SPSB1: variants seen among roughly 807,000 people sequenced by gnomAD.
SPSB1 encodes the protein SPRY domain-containing SOCS box protein 1.
SPSB1 carries 8 observed loss-of-function variants against 21.2 expected under a neutral mutation model. That is an observed-to-expected ratio of 0.38 (90% CI 0.22 to 0.68). The LOEUF is 0.68. SPSB1 is among the 30% of genes least tolerant of loss of function. The pLI is 0.53. For synonymous variants in SPSB1, 169 were observed against 161.7 expected (o/e 1.05, Z -0.34); for missense variants, 242 against 377.8 (o/e 0.64, Z 2.98).
rs17377611 is a variant in SPSB1 at position 9,321,491 on chromosome 1, C to T, written c.-150+28420C>T. 0.15 allele frequency among the ~76,000 whole-genome samples: 22,333 copies of T among 152,164 alleles called. 2,074 individuals carry two copies. The highest frequency in any genetic ancestry group is 0.22 in the Middle Eastern group (64 of 294). On this transcript the variant is annotated intron_variant, in intron 1 of 2. Transcript: ENST00000328089. The surrounding 1 kb of genome is among the most constrained non-coding windows in gnomAD (Gnocchi z 4.8). The stretch of plus-strand genomic sequence containing the variant: ...AGAAGTGTCTCAGCAGTTCTGTTCT[C>T]CAGACCTTTACCGAACACTTACTGC...
At chr1:9,318,144 G>T (rs1399862516) in intron 1 of SPSB1, among the ~76,000 whole-genome samples, 1 of 152,244 alleles carries the variant, frequency 6.6e-6, no homozygotes, top group Non-Finnish European at 1.5e-5. Context: ...TGAGGGTGGG[G>T]CCCTGGGGTC....
At chr1:9,334,664 C>T (rs1183149855) in intron 1 of SPSB1, among the ~76,000 whole-genome samples, 1 of 152,152 alleles carries the variant, frequency 6.6e-6, no homozygotes, top group Non-Finnish European at 1.5e-5. Flanking sequence ...ACTGACCCCC[C>T]ATTCCTGCTC....
Position 9,305,212 on chromosome 1 carries a change from G to A in SPSB1, c.-150+12141G>A, listed in dbSNP as rs1281747308. 6.6e-6 allele frequency among the ~76,000 whole-genome samples: 1 copy of A among 152,086 alleles called. No individual in the cohort carries two copies. Among genetic ancestry groups the A allele is most frequent in the East Asian group, 1.9e-4 (1 of 5,188 alleles). ...TCTTCATGCTGCCTGGTCCCGCCTC[G>A]GCTGGCCCGTTCCTACCGGCTGGCC... On this transcript the variant is annotated intron_variant, in intron 1 of 2. Coordinates refer to ENST00000328089, the MANE Select transcript of SPSB1 (RefSeq NM_025106.4). This position sits in a 1 kb window ranked among gnomAD's most constrained non-coding sequence, Gnocchi z 4.8.
chr1:9,294,926 C>T (rs1424526399), intron 1 of SPSB1, among the ~76,000 whole-genome samples: 1 of 152,086 alleles, frequency 6.6e-6, no homozygotes, highest in Non-Finnish European at 1.5e-5. Context: ...CAGGGAAGTC[C>T]TGTCTTACTG....
intron 1 of SPSB1, among the ~76,000 whole-genome samples, chr1:9,337,235 C>A (rs776430995): frequency 1.3e-5 from 2 of 152,096 alleles, no homozygotes; most frequent in African/African-American, 2.4e-5. Flanking sequence ...GCCTCTAACC[C>A]CCGGGATTAG....
chr1:9,305,554 C>A lies in SPSB1; in HGVS notation c.-150+12483C>A, dbSNP rs1639396802. On this transcript the variant is annotated intron_variant, in intron 1 of 2. Transcript: ENST00000328089. The surrounding 1 kb of genome is among the most constrained non-coding windows in gnomAD (Gnocchi z 4.8). ...GTGGCGTAGTGGATCCTAGCAGGGT[C>A]TGGGAGAGCTCGATGTGGGCCCAGG... 1.3e-5 allele frequency among the ~76,000 whole-genome samples: 2 copies of A among 152,278 alleles called. No individual in the cohort carries two copies. The highest frequency in any genetic ancestry group is 4.1e-4 in the South Asian group (2 of 4,828).
At position 9,345,665 on chromosome 1, in the gene SPSB1, G is replaced by A. The variant is rs1212468420; in HGVS notation, c.-149-10078G>A. Among the ~76,000 whole-genome samples, 3 of 152,076 alleles carry A rather than the reference G, an allele frequency of 2.0e-5. No individual in the cohort carries two copies. Among genetic ancestry groups the A allele is most frequent in the African/African-American group, 4.8e-5 (2 of 41,386 alleles). ...TCCCAGGCCATGGCTCCACTGATTC[G>A]AGCCCTCTGAAAGTGCTGTGAGTCA... On this transcript the variant is annotated intron_variant, in intron 1 of 2. Coordinates refer to ENST00000328089, the MANE Select transcript of SPSB1 (RefSeq NM_025106.4). The surrounding 1 kb of genome is among the most constrained non-coding windows in gnomAD (Gnocchi z 4.8).
chr1:9,319,349 G>A (rs1416364319), intron 1 of SPSB1, among the ~76,000 whole-genome samples: 1 of 152,198 alleles, frequency 6.6e-6, no homozygotes, highest in Non-Finnish European at 1.5e-5. Context: ...TGCTCACCAA[G>A]GCGGGGAACA....
chr1:9,307,144 T>C (rs887486291), intron 1 of SPSB1, among the ~76,000 whole-genome samples: 1 of 152,084 alleles, frequency 6.6e-6, no homozygotes, highest in Admixed American at 6.5e-5. Context: ...GCCAGGCCGG[T>C]CTCGAACTCC....
intron 1 of SPSB1, chr1:9,339,376 C>A: frequency 1.2e-6 from 1 of 847,102 alleles, no homozygotes; most frequent in Non-Finnish European, 1.4e-6. Flanking sequence ...ACCGCCAGGC[C>A]AGGTTCTGGC....
intron 1 of SPSB1, among the ~76,000 whole-genome samples, chr1:9,311,160 G>GTTTTTTTTTTTTTTT: frequency 7.5e-6 from 1 of 133,536 alleles, no homozygotes; most frequent in Non-Finnish European, 1.6e-5. Flanking sequence ...AGGATAAAGG[G>GTTTTTTTTTTTTTTT]TTTTTTTTTT....
At chr1:9,338,785 A>G (rs1191931925) in intron 1 of SPSB1, among the ~76,000 whole-genome samples, 1 of 152,110 alleles carries the variant, frequency 6.6e-6, no homozygotes, top group African/African-American at 2.4e-5. Context: ...GTGGGCCACG[A>G]TTCTGCCTTC....
Position 9,367,614 on chromosome 1 carries a change from G to A in SPSB1, c.*39G>A, listed in dbSNP as rs1461387152. ...ACCGCCAGCGCGACAGCCACCTGGT[G>A]CCAACTCACTGAGCCGCCTGCCGCT... On this transcript the variant is annotated 3_prime_UTR_variant, in exon 3 of 3. Transcript: ENST00000328089. The surrounding 1 kb of genome is among the most constrained non-coding windows in gnomAD (Gnocchi z 5.9). 1 of 1,554,580 alleles carries A rather than the reference G, an allele frequency of 6.4e-7. No individual in the cohort carries two copies. Among genetic ancestry groups the A allele is most frequent in the Non-Finnish European group, 8.7e-7 (1 of 1,148,282 alleles).
intron 1 of SPSB1, among the ~76,000 whole-genome samples, chr1:9,331,653 C>T (rs1021064845): frequency 1.3e-5 from 2 of 152,000 alleles, no homozygotes; most frequent in African/African-American, 4.8e-5. Context: ...TATGGGCTCA[C>T]GCACCAGGGG....
In SPSB1 at chr1:9,367,404, A is replaced by G; in HGVS notation, c.695-44A>G. ...CTGTGGTTAGCGCTGTTTGCTGAAC[A>G]CCCACCCAAGCTGCGCTGACCTGCA... On this transcript the variant is annotated intron_variant, in intron 2 of 2. Transcript: ENST00000328089. The surrounding 1 kb of genome is among the most constrained non-coding windows in gnomAD (Gnocchi z 5.9). 6.2e-7 allele frequency: 1 copy of G among 1,612,108 alleles called. No homozygotes were observed. Among genetic ancestry groups the G allele is most frequent in the East Asian group, 2.2e-5 (1 of 44,870 alleles).
At chr1:9,315,406 G>A (rs1018710030) in intron 1 of SPSB1, among the ~76,000 whole-genome samples, 8 of 152,240 alleles carry the variant, frequency 5.3e-5, no homozygotes, top group African/African-American at 1.9e-4. Context: ...AGCTTCTTGT[G>A]TCGTTGTCTC....
At chr1:9,304,356 C>G (rs1276109830) in intron 1 of SPSB1, among the ~76,000 whole-genome samples, 3 of 152,192 alleles carry the variant, frequency 2.0e-5, no homozygotes, top group East Asian at 3.9e-4. Flanking sequence ...CCTCCATAAC[C>G]GATGAGCCAG....
At chr1:9,312,677 T>G (rs1391586994) in intron 1 of SPSB1, among the ~76,000 whole-genome samples, 2 of 152,182 alleles carry the variant, frequency 1.3e-5, no homozygotes, top group Non-Finnish European at 2.9e-5. Flanking sequence ...AATTTTGCAA[T>G]GATTGGATGA....
At position 9,293,404 on chromosome 1, in the gene SPSB1, T is replaced by C. The variant is rs1191279530; in HGVS notation, c.-150+333T>C. Among the ~76,000 whole-genome samples, 8 of 150,866 alleles carry C rather than the reference T, an allele frequency of 5.3e-5. No homozygotes were observed. Among genetic ancestry groups the C allele is most frequent in the Non-Finnish European group, 1.2e-4 (8 of 67,596 alleles). ...CGGGGACCGTCGCAACGAGTTGCGG[T>C]CCCGAGGAGGGGCTGGGGCGCTCCG... On this transcript the variant is annotated intron_variant, in intron 1 of 2. Transcript: ENST00000328089. This position sits in a 1 kb window ranked among gnomAD's most constrained non-coding sequence, Gnocchi z 5.1.
Sources: allele counts gnomAD v4.1 joint callset (sites outside exome capture counted in the v4.1 genomes callset), GRCh38; gene constraint gnomAD v4.1.1; non-coding constraint Gnocchi (gnomAD v3.1); transcripts MANE v1.5; gene names NCBI Gene and HGNC (gene_info 2026-07-23, HGNC 2026-07-21).